DIMT1: variants seen among roughly 807,000 people sequenced by gnomAD.
DIMT1 encodes dimethyladenosine transferase.
In DIMT1, 36 loss-of-function variants were observed where a neutral mutation model predicts 43.2. The observed-to-expected ratio is 0.83, with a 90% confidence interval of 0.64 to 1.10. The LOEUF is 1.10. DIMT1 is among the 50% of genes least tolerant of loss of function. The probability of loss-of-function intolerance (pLI) is 0.00; values close to 1 mark genes in which losing one functional copy is unlikely to be tolerated. For synonymous variants in DIMT1, 126 were observed against 130.3 expected (o/e 0.97, Z 0.22); for missense variants, 341 against 385.3 (o/e 0.88, Z 0.96).
At chr5:62,401,949 A>G in intron 3 of DIMT1, 87 bp downstream of exon 3, 1 of 1,265,532 alleles carries the variant, frequency 7.9e-7, no homozygotes, top group Admixed American at 2.1e-5. Context: ...AAATAATAGC[A>G]ATTAGTTAAA....
At chr5:62,402,164 A>G in intron 2 of DIMT1, 42 bp from the exon 3 acceptor site, 1 of 1,590,324 alleles carries the variant, frequency 6.3e-7, no homozygotes, top group Non-Finnish European at 8.6e-7. Flanking sequence ...TGGCAACATC[A>G]GAACACAGAA....
chr5:62,395,026 C>CTT (rs35544397), intron 6 of DIMT1, among the ~76,000 whole-genome samples: 24 of 143,768 alleles, frequency 1.7e-4, no homozygotes, highest in South Asian at 4.4e-4. Flanking sequence ...AAGATGTAGA[C>CTT]TTTTTTTTTT....
chr5:62,403,875 A>C lies in DIMT1; in HGVS notation c.-103T>G. On this transcript the variant is annotated 5_prime_UTR_variant, in exon 1 of 12. Coordinates refer to ENST00000199320, the MANE Select transcript of DIMT1 (RefSeq NM_014473.4). ...GGGATCGCCGCCACGCGCCGCCCGC[A>C]CCACTCTGGCCCAAGCGCCGGAGGG... 7.7e-7 allele frequency: 1 copy of C among 1,292,592 alleles called. No homozygotes were observed. The allele number at this position is 1,292,592 out of a possible 1,614,324, so 80.1% of individuals were successfully genotyped here. A position where few individuals can be genotyped will look rare whatever the true frequency, so the allele number is the denominator to read the frequency against.
At chr5:62,396,391 G>A (rs911783579) in intron 6 of DIMT1, among the ~76,000 whole-genome samples, 10 of 151,830 alleles carry the variant, frequency 6.6e-5, no homozygotes, top group South Asian at 2.1e-4. Flanking sequence ...GCCCGTAATC[G>A]CAGCTACTTG....
intron 3 of DIMT1, among the ~76,000 whole-genome samples, chr5:62,400,408 A>G (rs1234918776): frequency 2.0e-5 from 3 of 151,976 alleles, no homozygotes; most frequent in Non-Finnish European, 4.4e-5. Context: ...CCAGCACACC[A>G]GGCTAATTTC....
Position 62,390,753 on chromosome 5 carries a change from G to A in DIMT1, c.899+123C>T, listed in dbSNP as rs759225708. On this transcript the variant is annotated intron_variant, in intron 11 of 11. Transcript: ENST00000199320. ...ACACCAAATACTATTCCATGCCATG[G>A]AAGTGCTATGCAATAACTCTCCCAG... 9.1e-5 allele frequency: 68 copies of A among 744,368 alleles called. 1 individual carries two copies. Among genetic ancestry groups the A allele is most frequent in the Admixed American group, 1.7e-4 (8 of 46,450 alleles). The allele number at this position is 744,368 out of a possible 1,614,324, so 46.1% of individuals were successfully genotyped here.
chr5:62,397,184 T>G (rs2112046914), intron 6 of DIMT1, among the ~76,000 whole-genome samples: 1 of 152,224 alleles, frequency 6.6e-6, no homozygotes, highest in South Asian at 2.1e-4. Flanking sequence ...CCTCAAGTGA[T>G]CTGCCCGCCT....
At chr5:62,392,016 T>C (rs774613597) in intron 10 of DIMT1, 155 bp downstream of exon 10, 1 of 1,548,402 alleles carries the variant, frequency 6.5e-7, no homozygotes. Context: ...CCTGTCAGAA[T>C]TCAAGTCAAA....
At chr5:62,390,503 G>A (rs1313544167) in intron 11 of DIMT1, among the ~76,000 whole-genome samples, 2 of 152,132 alleles carry the variant, frequency 1.3e-5, no homozygotes, top group East Asian at 3.9e-4. Flanking sequence ...CCAGTTACAT[G>A]TATTATGATT....
rs969814325 is a variant in DIMT1 at position 62,394,443 on chromosome 5, T to C, written c.570+41A>G. 5.6e-6 allele frequency: 9 copies of C among 1,598,700 alleles called. No homozygotes were observed. In the African/African-American group the frequency reaches 6.7e-5, roughly 12 times the overall value. On this transcript the variant is annotated intron_variant, in intron 7 of 11. Coordinates refer to ENST00000199320, the MANE Select transcript of DIMT1 (RefSeq NM_014473.4). ...TGCAGCCTGGGTGACAGAGTGAGATTCTATCTCAGAAAAAAGAGAAAGAAA... is the reference window on the plus strand; with the variant it reads ...TGCAGCCTGGGTGACAGAGTGAGATCCTATCTCAGAAAAAAGAGAAAGAAA...
At chr5:62,393,252 T>C (rs1338649488) in intron 8 of DIMT1, among the ~76,000 whole-genome samples, 1 of 151,984 alleles carries the variant, frequency 6.6e-6, no homozygotes, top group Non-Finnish European at 1.5e-5. Context: ...TTTTTTTTAA[T>C]TTGAAAAAAT....
intron 2 of DIMT1, 32 bp from the exon 3 acceptor site, chr5:62,402,154 TG>T: frequency 6.2e-7 from 1 of 1,607,062 alleles, no homozygotes; most frequent in Non-Finnish European, 8.5e-7. Context: ...TTAGCTCTTC[TG>T]GCAACATCAG....
At chr5:62,403,420 GCA>G in intron 1 of DIMT1, 74 bp from the exon 2 acceptor site, 1 of 1,405,248 alleles carries the variant, frequency 7.1e-7, no homozygotes. Context: ...GAAGAAAGCT[GCA>G]TGGGTATGGG....
Position 62,398,670 on chromosome 5 carries a change from A to T in DIMT1, c.372T>A (p.Thr124=). Residue 124 remains threonine, a synonymous_variant, in exon 5 of 12, where the codon ACT becomes ACA. Coordinates refer to ENST00000199320, the MANE Select transcript of DIMT1 (RefSeq NM_014473.4). Reference sequence around the variant, plus strand: ...CCTGATAAGGCAAATTTGCCACACAAGTATCAAAGAATGGCAAATCTGTTT... The same window carrying T: ...CCTGATAAGGCAAATTTGCCACACATGTATCAAAGAATGGCAAATCTGTTT... ...VLKTDLPFFD[T]CVANLPYQIS... is the part of the protein sequence containing the mutation. 1 of 1,614,242 alleles carries T rather than the reference A, an allele frequency of 6.2e-7. No individual in the cohort carries two copies. Among genetic ancestry groups the T allele is most frequent in the Non-Finnish European group, 8.5e-7 (1 of 1,180,036 alleles).
chr5:62,393,570 C>T (rs530861744), intron 8 of DIMT1, among the ~76,000 whole-genome samples: 2 of 152,262 alleles, frequency 1.3e-5, no homozygotes, highest in African/African-American at 4.8e-5. Flanking sequence ...CACCAGTTGA[C>T]CACACACACA....
intron 6 of DIMT1, among the ~76,000 whole-genome samples, chr5:62,396,151 T>TTTTTTTTTTTTTTTTTTTATA (rs931809201): frequency 6.7e-6 from 1 of 148,186 alleles, no homozygotes; most frequent in African/African-American, 2.5e-5. Flanking sequence ...TTTTTTTTTT[T>TTTTTTTTTTTTTTTTTTTATA]ACATTATTAA....
intron 11 of DIMT1, among the ~76,000 whole-genome samples, chr5:62,389,619 CTT>C (rs1360429612): frequency 4.0e-5 from 6 of 151,820 alleles, no homozygotes; most frequent in Non-Finnish European, 8.8e-5. Context: ...TTATCTTAGA[CTT>C]TCATTATCCC....
chr5:62,400,282 C>G (rs1018792130), intron 3 of DIMT1, among the ~76,000 whole-genome samples: 3 of 152,094 alleles, frequency 2.0e-5, no homozygotes, highest in Admixed American at 6.6e-5. Context: ...GGGTCTCACT[C>G]TGTTGCCCAG....
intron 6 of DIMT1, among the ~76,000 whole-genome samples, chr5:62,397,167 C>G (rs1050444588): frequency 3.3e-5 from 5 of 152,020 alleles, no homozygotes; most frequent in African/African-American, 1.2e-4. Flanking sequence ...CCAGGCTGGT[C>G]TCCTGACCTC....
Sources: allele counts gnomAD v4.1 joint callset (sites outside exome capture counted in the v4.1 genomes callset), GRCh38; gene constraint gnomAD v4.1.1; transcripts MANE v1.5; gene names NCBI Gene and HGNC (gene_info 2026-07-23, HGNC 2026-07-21).